NKAIN2: variants seen among roughly 807,000 people sequenced by gnomAD.
NKAIN2 encodes the protein sodium/potassium transporting ATPase interacting 2.
Under a neutral mutation model 32.6 loss-of-function variants are expected in NKAIN2, and 14 were observed. That is an observed-to-expected ratio of 0.43 (90% CI 0.28 to 0.67). The LOEUF (loss-of-function observed/expected upper bound fraction) is 0.67, where lower values mean the gene tolerates loss of function less well. Among genes scored for constraint, NKAIN2 ranks in the 30% least tolerant of loss-of-function variants. The probability of loss-of-function intolerance (pLI) is 0.17; values close to 1 mark genes in which losing one functional copy is unlikely to be tolerated. For synonymous variants in NKAIN2, 80 were observed against 87.2 expected (o/e 0.92, Z 0.46); for missense variants, 198 against 258.3 (o/e 0.77, Z 1.60).
intron 1 of NKAIN2, among the ~76,000 whole-genome samples, chr6:123,895,086 C>A (rs1774207988): frequency 6.6e-6 from 1 of 151,480 alleles, no homozygotes; most frequent in African/African-American, 2.4e-5. Flanking sequence ...CCTTTCCTGC[C>A]CCTCTGTCCT....
intron 4 of NKAIN2, among the ~76,000 whole-genome samples, chr6:124,727,396 C>G (rs942436890): frequency 6.6e-6 from 1 of 151,626 alleles, no homozygotes. Flanking sequence ...GAGTGGGGGC[C>G]AATATTCAAC....
rs550788989 is a variant in NKAIN2 at position 124,489,583 on chromosome 6, A to G, written c.273+134236A>G. On this transcript the variant is annotated intron_variant, in intron 3 of 6. Coordinates refer to ENST00000368417, the MANE Select transcript of NKAIN2 (RefSeq NM_001040214.3). ...CAGTTGGGCAAAATCATCTAACAGA[A>G]ACCTATTTTATAATGCAGTGTTGAA... Among the ~76,000 whole-genome samples, 29 of 152,022 alleles carry G rather than the reference A, an allele frequency of 1.9e-4. No individual in the cohort carries two copies. In the South Asian group the frequency reaches 5.6e-3, roughly 29 times the overall value.
At chr6:124,432,854 CT>C (rs1775277035) in intron 3 of NKAIN2, among the ~76,000 whole-genome samples, 1 of 152,062 alleles carries the variant, frequency 6.6e-6, no homozygotes, top group Non-Finnish European at 1.5e-5. Flanking sequence ...CAGTCAACCA[CT>C]TCCTCCTCTG....
At chr6:124,367,964 T>C (rs1799596186) in intron 3 of NKAIN2, among the ~76,000 whole-genome samples, 1 of 152,138 alleles carries the variant, frequency 6.6e-6, no homozygotes, top group Non-Finnish European at 1.5e-5. Context: ...TTTAAAGCCA[T>C]GGAACTCTTA....
At chr6:124,782,925 T>A (rs1779339661) in intron 4 of NKAIN2, among the ~76,000 whole-genome samples, 1 of 152,154 alleles carries the variant, frequency 6.6e-6, no homozygotes. Flanking sequence ...CTTTTTACAT[T>A]TCCCAATTAT....
chr6:124,202,382 T>C (rs1415464464), intron 1 of NKAIN2, among the ~76,000 whole-genome samples: 1 of 151,966 alleles, frequency 6.6e-6, no homozygotes, highest in Non-Finnish European at 1.5e-5. Flanking sequence ...CCAAGTCTAA[T>C]TATGTTTTTT....
chr6:124,678,273 G>A (rs1244931719), intron 4 of NKAIN2, among the ~76,000 whole-genome samples: 1 of 151,916 alleles, frequency 6.6e-6, no homozygotes, highest in Non-Finnish European at 1.5e-5. Context: ...GGAGTTTGGG[G>A]GCACTATTTT....
chr6:124,050,055 T>C (rs1562328971), intron 1 of NKAIN2, among the ~76,000 whole-genome samples: 1 of 151,994 alleles, frequency 6.6e-6, no homozygotes, highest in Non-Finnish European at 1.5e-5. Context: ...GCGTGTAGTA[T>C]ATATGGGGTT....
intron 4 of NKAIN2, among the ~76,000 whole-genome samples, chr6:124,664,476 A>T (rs1179238242): frequency 6.6e-6 from 1 of 152,054 alleles, no homozygotes; most frequent in Non-Finnish European, 1.5e-5. Context: ...CATATTTAAC[A>T]TATATACAAA....
At chr6:124,230,881 C>G (rs1044861619) in intron 1 of NKAIN2, among the ~76,000 whole-genome samples, 1 of 152,212 alleles carries the variant, frequency 6.6e-6, no homozygotes, top group African/African-American at 2.4e-5. Context: ...AGACCCCACA[C>G]AGAGTCCCTA....
At chr6:123,983,746 T>TA (rs1491206217) in intron 1 of NKAIN2, among the ~76,000 whole-genome samples, 828 of 17,818 alleles carry the variant, frequency 0.046, 8 homozygotes, top group African/African-American at 0.15. Context: ...TATATATATA[T>TA]TTTTTTTTTC....
At chr6:124,411,972 T>C (rs1033278841) in intron 3 of NKAIN2, among the ~76,000 whole-genome samples, 2 of 152,236 alleles carry the variant, frequency 1.3e-5, no homozygotes, top group Non-Finnish European at 2.9e-5. Flanking sequence ...GTTGATTACA[T>C]TGGTTACTGA....
At position 124,038,082 on chromosome 6, in the gene NKAIN2, A is replaced by C. The variant is rs923906921; in HGVS notation, c.54+233828A>C. On this transcript the variant is annotated intron_variant, in intron 1 of 6. Coordinates refer to ENST00000368417, the MANE Select transcript of NKAIN2 (RefSeq NM_001040214.3). ...TTGGGCTAGTGTATCCCCTGAAGGGACACAGGCTTGCTGGAATCGAGGATA... is the reference window on the plus strand; with the variant it reads ...TTGGGCTAGTGTATCCCCTGAAGGGCCACAGGCTTGCTGGAATCGAGGATA... Among the ~76,000 whole-genome samples the C allele has an allele frequency of 9.9e-5, 15 of 152,238 alleles. No homozygotes were observed. In the South Asian group the frequency reaches 3.1e-3, roughly 32 times the overall value.
chr6:124,462,238 A>G (rs1776560633), intron 3 of NKAIN2, among the ~76,000 whole-genome samples: 1 of 151,942 alleles, frequency 6.6e-6, no homozygotes. Flanking sequence ...AATGAGAAAT[A>G]ATATACTGTT....
intron 1 of NKAIN2, among the ~76,000 whole-genome samples, chr6:124,000,316 C>T (rs953396936): frequency 2.6e-5 from 4 of 151,976 alleles, no homozygotes; most frequent in African/African-American, 9.7e-5. Flanking sequence ...TTAATGAATG[C>T]AAATGAGCCC....
intron 1 of NKAIN2, among the ~76,000 whole-genome samples, chr6:123,997,999 T>C (rs1403224015): frequency 6.6e-6 from 1 of 152,168 alleles, no homozygotes; most frequent in African/African-American, 2.4e-5. Context: ...GGTCTCCTAG[T>C]CCTTCATCTC....
intron 4 of NKAIN2, among the ~76,000 whole-genome samples, chr6:124,671,857 A>G (rs1258165757): frequency 4.6e-5 from 7 of 152,016 alleles, no homozygotes; most frequent in African/African-American, 1.7e-4. Context: ...GCTGGGATAA[A>G]TATAATTAAA....
rs527474596 is a variant in NKAIN2 at position 123,907,732 on chromosome 6, C to T, written c.54+103478C>T. Among the ~76,000 whole-genome samples, 5 of 152,278 alleles carry T rather than the reference C, an allele frequency of 3.3e-5. No homozygotes were observed. The South Asian group carries it at 1.0e-3, about 32-fold the overall frequency. ...ATGCATGAATCCATCCCCTCATTCCCTCATTGCTTTGAGACATTTTAAAAT... is the reference window on the plus strand; with the variant it reads ...ATGCATGAATCCATCCCCTCATTCCTTCATTGCTTTGAGACATTTTAAAAT... On this transcript the variant is annotated intron_variant, in intron 1 of 6. Coordinates refer to ENST00000368417, the MANE Select transcript of NKAIN2 (RefSeq NM_001040214.3).
chr6:124,782,163 A>G (rs1266637090), intron 4 of NKAIN2, among the ~76,000 whole-genome samples: 1 of 152,158 alleles, frequency 6.6e-6, no homozygotes, highest in Non-Finnish European at 1.5e-5. Flanking sequence ...ATCTGAGTTT[A>G]CGATAACATT....
Sources: gnomAD v4.1 joint callset for allele counts (sites outside exome capture counted in the v4.1 genomes callset) on GRCh38, gnomAD v4.1.1 for gene constraint, MANE v1.5 for transcripts, NCBI Gene and HGNC (gene_info 2026-07-23, HGNC 2026-07-21) for gene names.